The following FMN2 variants were observed in gnomAD, a reference collection of about 807,000 sequenced individuals.
The protein encoded by FMN2 is formin-2.
A neutral mutation model predicts 142.3 loss-of-function variants in FMN2; 51 were observed. The ratio of observed to expected loss-of-function variants is 0.36; its 90% CI spans 0.29 to 0.45. FMN2 has a LOEUF of 0.45. Ranked by LOEUF, FMN2 falls within the 20% of genes least tolerant of loss-of-function variation. The pLI, the probability that FMN2 is intolerant of heterozygous loss-of-function variation, is 1.00. For missense variants in FMN2, 1,936 were observed against 2,122.8 expected, an observed-to-expected ratio of 0.91 and a Z score of 1.73; for synonymous variants, 882 against 869.8, an observed-to-expected ratio of 1.01 and a Z score of -0.25.
At chr1:240,185,452 T>C (rs746818193) in intron 3 of FMN2, among the ~76,000 whole-genome samples, 2 of 152,162 alleles carry the variant, frequency 1.3e-5, no homozygotes, top group East Asian at 1.9e-4. Context: ...ATAAAAACTA[T>C]AATGAAAGGG....
chr1:240,413,977 C>T (rs1674501063), intron 15 of FMN2, among the ~76,000 whole-genome samples: 2 of 152,292 alleles, frequency 1.3e-5, no homozygotes, highest in Admixed American at 6.5e-5. Flanking sequence ...TTACAAATAT[C>T]GTTGGGCTAG....
intron 16 of FMN2, among the ~76,000 whole-genome samples, chr1:240,449,211 G>A (rs531360055): frequency 2.6e-5 from 4 of 151,948 alleles, no homozygotes; most frequent in South Asian, 4.2e-4. Flanking sequence ...TATGGGTGAA[G>A]ATTTGCATCT....
rs182102853 is a variant in FMN2 at position 240,206,613 on chromosome 1, G to C, written c.1987-186G>C. Among the ~76,000 whole-genome samples the C allele has an allele frequency of 4.3e-3, 651 of 152,242 alleles. 1 individual carries two copies. Among genetic ancestry groups the C allele is most frequent in the Non-Finnish European group, 7.1e-3 (483 of 68,008 alleles). Reference sequence around the variant, plus strand: ...GACTTAAGATTCTGTGGTAAGTCACGTGTGTTAACCACTTTGAAATCTCAG... The same window carrying C: ...GACTTAAGATTCTGTGGTAAGTCACCTGTGTTAACCACTTTGAAATCTCAG... On this transcript the variant is annotated intron_variant, in intron 4 of 17. Transcript: ENST00000319653.
chr1:240,097,060 T>G (rs1572742925), intron 1 of FMN2, among the ~76,000 whole-genome samples: 2 of 152,374 alleles, frequency 1.3e-5, no homozygotes, highest in East Asian at 3.9e-4. Flanking sequence ...AATTAAAGTT[T>G]AGATATCCAA....
At chr1:240,414,694 T>C (rs973297388) in intron 15 of FMN2, among the ~76,000 whole-genome samples, 1 of 152,298 alleles carries the variant, frequency 6.6e-6, no homozygotes, top group Admixed American at 6.5e-5. Context: ...ATAGGAGATA[T>C]TCACACTGGT....
intron 15 of FMN2, among the ~76,000 whole-genome samples, chr1:240,436,282 A>G (rs1209025542): frequency 2.0e-5 from 3 of 149,770 alleles, no homozygotes; most frequent in African/African-American, 7.5e-5. Flanking sequence ...GAAAAACATA[A>G]TACCTGAGAT....
At chr1:240,167,651 T>C (rs2061240) in intron 2 of FMN2, among the ~76,000 whole-genome samples, 26,553 of 152,116 alleles carry the variant, frequency 0.17, 2,485 homozygotes, top group Middle Eastern at 0.27. Context: ...ATGGCTATGT[T>C]ATAGTGCTGT....
At position 240,287,797 on chromosome 1, in the gene FMN2, T is replaced by C. The variant is rs548987837; in HGVS notation, c.4154-7025T>C. Among the ~76,000 whole-genome samples the C allele has an allele frequency of 2.0e-5, 3 of 152,326 alleles. No individual in the cohort carries two copies. The East Asian group carries it at 5.8e-4, about 29-fold the overall frequency. ...TGCATTTGACTTTTATTATTTAATCTCCTGCAAGAACTCTGTAGGGCAGGT... is the reference window on the plus strand; with the variant it reads ...TGCATTTGACTTTTATTATTTAATCCCCTGCAAGAACTCTGTAGGGCAGGT... On this transcript the variant is annotated intron_variant, in intron 7 of 17. Transcript: ENST00000319653.
chr1:240,246,253 C>T (rs575732860), intron 6 of FMN2, among the ~76,000 whole-genome samples: 7 of 152,292 alleles, frequency 4.6e-5, no homozygotes, highest in Admixed American at 2.0e-4. Context: ...TTTTATCGCT[C>T]TCCGCATTCT....
intron 8 of FMN2, among the ~76,000 whole-genome samples, chr1:240,325,457 A>G: frequency 6.6e-6 from 1 of 152,172 alleles, no homozygotes; most frequent in East Asian, 1.9e-4. Context: ...ACTTTCTCAT[A>G]TAAATGCACA....
At chr1:240,400,177 A>G (rs1006648988) in intron 15 of FMN2, among the ~76,000 whole-genome samples, 2 of 152,172 alleles carry the variant, frequency 1.3e-5, no homozygotes, top group African/African-American at 2.4e-5. Flanking sequence ...ATCATAATCA[A>G]TCCCAGAGGT....
intron 2 of FMN2, among the ~76,000 whole-genome samples, chr1:240,148,357 GAGAC>G (rs761224296): frequency 0.2 from 28,131 of 143,786 alleles, 2,778 homozygotes; most frequent in Middle Eastern, 0.29. Flanking sequence ...GAAAGACAGA[GAGAC>G]AGAGACAGAG....
intron 15 of FMN2, among the ~76,000 whole-genome samples, chr1:240,422,042 A>G (rs1455837363): frequency 1.3e-5 from 2 of 151,518 alleles, no homozygotes; most frequent in African/African-American, 4.9e-5. Context: ...AGAGCCACCT[A>G]CTCCTCCTGC....
chr1:240,237,699 A>T (rs1667755864), intron 6 of FMN2, among the ~76,000 whole-genome samples: 1 of 151,952 alleles, frequency 6.6e-6, no homozygotes, highest in Non-Finnish European at 1.5e-5. Flanking sequence ...TTTATTGAAG[A>T]ATAACTGTGT....
intron 4 of FMN2, among the ~76,000 whole-genome samples, chr1:240,189,016 C>G (rs1225130181): frequency 6.6e-6 from 1 of 152,116 alleles, no homozygotes; most frequent in African/African-American, 2.4e-5. Flanking sequence ...TCATCTCCCA[C>G]CAGGTCCCTC....
At chr1:240,392,433 AT>A in intron 14 of FMN2, 77 bp from the exon 15 acceptor site, 2 of 1,126,398 alleles carry the variant, frequency 1.8e-6, no homozygotes, top group East Asian at 4.8e-5. Context: ...AAGTTACGTT[AT>A]GTAGGGCAGA....
At chr1:240,274,524 C>G (rs995686100) in intron 7 of FMN2, among the ~76,000 whole-genome samples, 2 of 151,974 alleles carry the variant, frequency 1.3e-5, no homozygotes, top group African/African-American at 4.8e-5. Flanking sequence ...GCTTTGCTGA[C>G]TTTTTAAGAA....
intron 3 of FMN2, among the ~76,000 whole-genome samples, chr1:240,178,420 C>CT (rs199738431): frequency 7.2e-6 from 1 of 138,352 alleles, no homozygotes; most frequent in East Asian, 2.1e-4. Context: ...TTGTTTTGTC[C>CT]TTTTTTCCCC....
intron 2 of FMN2, among the ~76,000 whole-genome samples, chr1:240,134,237 GC>G (rs1662849335): frequency 6.6e-6 from 1 of 152,214 alleles, no homozygotes; most frequent in South Asian, 2.1e-4. Context: ...CTGTAGGAAA[GC>G]CATGATGACT....
Sources: gnomAD v4.1 joint callset for allele counts (sites outside exome capture counted in the v4.1 genomes callset) on GRCh38, gnomAD v4.1.1 for gene constraint, MANE v1.5 for transcripts, NCBI Gene and HGNC (gene_info 2026-07-23, HGNC 2026-07-21) for gene names.